The following HECW1 variants were observed in gnomAD, a reference collection of about 807,000 sequenced individuals.
The protein encoded by HECW1 is HECT, C2 and WW domain containing E3 ubiquitin protein ligase 1.
Under a neutral mutation model 182.3 loss-of-function variants are expected in HECW1, and 61 were observed. That is an observed-to-expected ratio of 0.33 (90% CI 0.27 to 0.41). The LOEUF (loss-of-function observed/expected upper bound fraction) is 0.41. Ranked by LOEUF, HECW1 falls within the 10% of genes least tolerant of loss-of-function variation. The pLI, the probability that HECW1 is intolerant of heterozygous loss-of-function variation, is 1.00. For missense variants in HECW1, 1,739 were observed against 2,108.9 expected (o/e 0.82, Z 3.44); for synonymous variants, 859 against 832.6 (o/e 1.03, Z -0.55).
chr7:43,183,426 A>G (rs890156745), intron 2 of HECW1, among the ~76,000 whole-genome samples: 4 of 152,192 alleles, frequency 2.6e-5, no homozygotes, highest in Non-Finnish European at 5.9e-5. Context: ...ACTCATTATT[A>G]AGAAAAGTAA....
chr7:43,336,124 T>TTCTC (rs1233029672), intron 5 of HECW1, among the ~76,000 whole-genome samples: 23 of 64,298 alleles, frequency 3.6e-4, no homozygotes, highest in East Asian at 7.3e-4. Flanking sequence ...CTTTCTTTCT[T>TTCTC]TCTCTCTCTC....
At chr7:43,466,977 TGG>T (rs2077805491) in intron 15 of HECW1, among the ~76,000 whole-genome samples, 1 of 152,246 alleles carries the variant, frequency 6.6e-6, no homozygotes, top group South Asian at 2.1e-4. Context: ...CCTTTTGATA[TGG>T]TTTTTTCGAA....
chr7:43,160,844 C>T (rs1357400801), intron 2 of HECW1, among the ~76,000 whole-genome samples: 1 of 152,152 alleles, frequency 6.6e-6, no homozygotes, highest in Non-Finnish European at 1.5e-5. Context: ...TCATGAGTTT[C>T]AGCACTTCTA....
rs371372725 is a variant in HECW1 at position 43,492,173 on chromosome 7, G to T, written c.3333G>T (p.Leu1111Phe). 3.4e-5 allele frequency: 54 copies of T among 1,597,990 alleles called. No individual in the cohort carries two copies. The African/African-American group carries it at 4.7e-4, about 14-fold the overall frequency. ...AIRSQHQHESLPLAYNDKIVA... is the reference protein window; with the variant it reads ...AIRSQHQHESFPLAYNDKIVA... Reference sequence around the variant, plus strand: ...GAAGCCAACATCAACATGAGTCATTGCCACTGGGTATGTATCATGCTTGTT... The same window carrying T: ...GAAGCCAACATCAACATGAGTCATTTCCACTGGGTATGTATCATGCTTGTT... Residue 1111 changes from leucine (L) to phenylalanine (F), a missense_variant, in exon 18 of 30, where the codon TTG (leucine) becomes TTT (phenylalanine). This residue lies in a region of HECW1 where 971 missense variants were observed against 1,029.1 expected (regional missense o/e 0.94). Transcript: ENST00000395891.
chr7:43,262,491 T>C (rs1801293902), intron 3 of HECW1, among the ~76,000 whole-genome samples: 1 of 152,070 alleles, frequency 6.6e-6, no homozygotes, highest in Non-Finnish European at 1.5e-5. Context: ...GAGGCAGAGA[T>C]GAGATTCAGA....
chr7:43,411,646 T>C (rs937634680), intron 8 of HECW1, among the ~76,000 whole-genome samples: 1 of 152,196 alleles, frequency 6.6e-6, no homozygotes, highest in Admixed American at 6.5e-5. Context: ...TTGTTTCATG[T>C]ATTTTGAAGC....
intron 11 of HECW1, among the ~76,000 whole-genome samples, chr7:43,449,287 T>C (rs960274598): frequency 6.6e-6 from 1 of 152,240 alleles, no homozygotes; most frequent in African/African-American, 2.4e-5. Context: ...CAGCAGTCTG[T>C]CCACAATGAA....
chr7:43,472,018 G>T (rs530974907), intron 16 of HECW1, among the ~76,000 whole-genome samples: 6 of 152,096 alleles, frequency 3.9e-5, no homozygotes, highest in Non-Finnish European at 7.4e-5. Context: ...GGAAAAAGCC[G>T]CAAACAGAAA....
intron 4 of HECW1, 100 bp from the exon 5 acceptor site, chr7:43,320,535 A>C: frequency 1.2e-6 from 1 of 805,636 alleles, no homozygotes; most frequent in Non-Finnish European, 2.1e-6. Flanking sequence ...TTCTGTTGAG[A>C]TGGAAGCAGC....
At chr7:43,357,230 A>C (rs1237840739) in intron 5 of HECW1, among the ~76,000 whole-genome samples, 2 of 152,214 alleles carry the variant, frequency 1.3e-5, no homozygotes, top group African/African-American at 2.4e-5. Flanking sequence ...CAGGGTATAT[A>C]GCAAAAGAAA....
chr7:43,326,371 C>T (rs1327772934), intron 5 of HECW1, among the ~76,000 whole-genome samples: 1 of 152,246 alleles, frequency 6.6e-6, no homozygotes, highest in Admixed American at 6.5e-5. Context: ...CAGCCAGTGG[C>T]TTCTAAGCCA....
chr7:43,278,487 TC>T (rs916689611), intron 3 of HECW1, among the ~76,000 whole-genome samples: 1 of 152,146 alleles, frequency 6.6e-6, no homozygotes, highest in African/African-American at 2.4e-5. Context: ...CCCGTTCTCA[TC>T]ACAGACCCCA....
intron 3 of HECW1, among the ~76,000 whole-genome samples, chr7:43,268,862 C>G (rs2152739370): frequency 6.6e-6 from 1 of 152,284 alleles, no homozygotes; most frequent in Non-Finnish European, 1.5e-5. Flanking sequence ...GCTTCAACCT[C>G]CTGGGCTCAA....
At position 43,444,759 on chromosome 7, in the gene HECW1, G is replaced by T; in HGVS notation, c.1587G>T (p.Lys529Asn). ...GGCTGCAGCTGCGGGCCTCGGTGAA[G>T]AGAAAAAGCAGGCCCTGCTCCTTGC... ...EGRLQLRASV[K>N]RKSRPCSLPV... The change falls in exon 11 of 30, where the codon AAG becomes AAT. Residue 529 changes from lysine (K) to asparagine (N), a missense_variant. This residue lies in a region of HECW1 where 971 missense variants were observed against 1,029.1 expected (regional missense o/e 0.94). Transcript: ENST00000395891. The surrounding 1 kb of genome is among the most constrained non-coding windows in gnomAD (Gnocchi z 4.3). 6.2e-7 allele frequency: 1 copy of T among 1,614,054 alleles called. No homozygotes were observed. Among genetic ancestry groups the T allele is most frequent in the Non-Finnish European group, 8.5e-7 (1 of 1,179,990 alleles).
intron 3 of HECW1, among the ~76,000 whole-genome samples, chr7:43,256,565 C>T (rs1416376717): frequency 9.4e-5 from 14 of 148,488 alleles, no homozygotes; most frequent in African/African-American, 1.5e-4. Flanking sequence ...GCCAAGATTG[C>T]GCCACTGCAC....
At position 43,471,485 on chromosome 7, in the gene HECW1, G is replaced by A. The variant is rs189236595; in HGVS notation, c.3099+2380G>A. Among the ~76,000 whole-genome samples the A allele has an allele frequency of 2.0e-5, 3 of 152,328 alleles. No homozygotes were observed. The East Asian group carries it at 5.8e-4, about 29-fold the overall frequency. The stretch of plus-strand genomic sequence containing the variant: ...CCATGGTAGGAAGTAGAAGGGATGG[G>A]CAGAGCTGTTTGGTGTCTTTGAATG... On this transcript the variant is annotated intron_variant, in intron 16 of 29. Transcript: ENST00000395891.
intron 2 of HECW1, among the ~76,000 whole-genome samples, chr7:43,155,132 G>A (rs1027505319): frequency 7.9e-5 from 12 of 152,156 alleles, no homozygotes; most frequent in East Asian, 5.8e-4. Flanking sequence ...CTTGTAGCAC[G>A]ACTTTCAAAA....
At chr7:43,127,807 G>T (rs953235761) in intron 2 of HECW1, among the ~76,000 whole-genome samples, 4 of 151,948 alleles carry the variant, frequency 2.6e-5, no homozygotes. Flanking sequence ...AGTGCTGATG[G>T]AGAAGCTGCA....
intron 7 of HECW1, among the ~76,000 whole-genome samples, chr7:43,399,858 G>A (rs2075348117): frequency 6.6e-6 from 1 of 152,202 alleles, no homozygotes; most frequent in South Asian, 2.1e-4. Flanking sequence ...GACATATAAT[G>A]CTCAGTAGTT....
Sources: allele counts gnomAD v4.1 joint callset (sites outside exome capture counted in the v4.1 genomes callset), GRCh38; gene constraint gnomAD v4.1.1; regional missense constraint gnomAD v4.1.1; non-coding constraint Gnocchi (gnomAD v3.1); transcripts MANE v1.5; gene names NCBI Gene and HGNC (gene_info 2026-07-23, HGNC 2026-07-21).